Variants in NEK5 observed in about 807,000 individuals in gnomAD.
NEK5 encodes the protein serine/threonine-protein kinase Nek5.
In NEK5, 88 loss-of-function variants were observed where a neutral mutation model predicts 109.2. The ratio of observed to expected loss-of-function variants is 0.81; its 90% CI spans 0.68 to 0.96. The LOEUF (loss-of-function observed/expected upper bound fraction) is 0.96, where lower values mean the gene tolerates loss of function less well. Ranked by LOEUF, NEK5 falls within the 40% of genes least tolerant of loss-of-function variation. The pLI is 0.00. For missense variants in NEK5, 834 were observed against 920.7 expected (o/e 0.91, Z 1.22); for synonymous variants, 283 against 299.9 (o/e 0.94, Z 0.58).
At chr13:52,059,966 A>G (rs1023372606) in intron 22 of NEK5, among the ~76,000 whole-genome samples, 1 of 151,196 alleles carries the variant, frequency 6.6e-6, no homozygotes, top group Non-Finnish European at 1.5e-5. Flanking sequence ...ATAAAAAAAT[A>G]AAAAAATAAT....
intron 16 of NEK5, among the ~76,000 whole-genome samples, chr13:52,085,319 C>T (rs545203664): frequency 1.3e-5 from 2 of 152,286 alleles, no homozygotes; most frequent in South Asian, 2.1e-4. Context: ...TGAAACTGTG[C>T]GTCTATTACA....
At chr13:52,108,254 A>G (rs1252153997) in intron 8 of NEK5, 64 bp downstream of exon 8, 9 of 887,174 alleles carry the variant, frequency 1.0e-5, no homozygotes, top group Non-Finnish European at 1.3e-5. Context: ...AGTTTCTGGA[A>G]TCTTCATTCA....
intron 20 of NEK5, among the ~76,000 whole-genome samples, chr13:52,071,164 G>A (rs1401401207): frequency 1.3e-5 from 2 of 152,154 alleles, no homozygotes; most frequent in African/African-American, 4.8e-5. Flanking sequence ...GTGCACCCTG[G>A]TGACAGCACT....
At chr13:52,052,591 T>C (rs1214548772) in intron 22 of NEK5, among the ~76,000 whole-genome samples, 2 of 152,186 alleles carry the variant, frequency 1.3e-5, no homozygotes, top group Non-Finnish European at 2.9e-5. Context: ...AGATCCTTGA[T>C]TTTGAAAGAT....
intron 22 of NEK5, among the ~76,000 whole-genome samples, chr13:52,058,553 T>C (rs970240489): frequency 2.0e-5 from 3 of 152,038 alleles, no homozygotes; most frequent in African/African-American, 7.2e-5. Context: ...CTTCAAACTA[T>C]ACTACAAGGC....
At chr13:52,118,532 T>C (rs1365401373) in intron 4 of NEK5, among the ~76,000 whole-genome samples, 2 of 152,202 alleles carry the variant, frequency 1.3e-5, no homozygotes, top group East Asian at 1.9e-4. Flanking sequence ...GTCTGACCAA[T>C]GCTCCTTCAT....
At chr13:52,084,458 A>G (rs1385297338) in intron 16 of NEK5, among the ~76,000 whole-genome samples, 1 of 152,024 alleles carries the variant, frequency 6.6e-6, no homozygotes, top group Non-Finnish European at 1.5e-5. Flanking sequence ...GGCTCAAGCG[A>G]TCCTTCTGCC....
intron 23 of NEK5, among the ~76,000 whole-genome samples, chr13:52,042,909 A>G (rs1354173782): frequency 1.3e-5 from 2 of 152,078 alleles, no homozygotes; most frequent in East Asian, 3.8e-4. Flanking sequence ...GAAAACCAAA[A>G]TGGTATGGTA....
intron 20 of NEK5, among the ~76,000 whole-genome samples, chr13:52,070,513 G>A (rs928340755): frequency 4.6e-5 from 7 of 152,134 alleles, no homozygotes; most frequent in East Asian, 1.9e-4. Context: ...TGAGTCTCAC[G>A]AGATAAGATG....
intron 8 of NEK5, among the ~76,000 whole-genome samples, chr13:52,106,179 C>CAA (rs5803596): frequency 8.3e-5 from 12 of 144,458 alleles, no homozygotes; most frequent in African/African-American, 2.9e-4. Flanking sequence ...GGGGATGTCT[C>CAA]AAAAAAAAAA....
chr13:52,051,062 CTTT>C (rs34408976), intron 22 of NEK5, among the ~76,000 whole-genome samples: 9 of 143,026 alleles, frequency 6.3e-5, no homozygotes, highest in Admixed American at 1.4e-4. Flanking sequence ...AAGGCAGGGG[CTTT>C]TTTTTTTTTT....
intron 22 of NEK5, among the ~76,000 whole-genome samples, chr13:52,055,998 C>T (rs1954551330): frequency 6.6e-6 from 1 of 152,026 alleles, no homozygotes; most frequent in Non-Finnish European, 1.5e-5. Context: ...AAGACACAGA[C>T]TGGCAAATTG....
intron 13 of NEK5, 114 bp from the exon 14 acceptor site, chr13:52,089,427 GT>G (rs1955229360): frequency 3.1e-6 from 2 of 639,772 alleles, no homozygotes; most frequent in Non-Finnish European, 5.5e-6. Context: ...GTGGCTTGAA[GT>G]TCCAAGTTCA....
At chr13:52,111,210 A>G (rs983432018) in intron 5 of NEK5, among the ~76,000 whole-genome samples, 2 of 152,208 alleles carry the variant, frequency 1.3e-5, no homozygotes, top group African/African-American at 2.4e-5. Context: ...AAACTATTCT[A>G]AAATTTCACT....
intron 3 of NEK5, among the ~76,000 whole-genome samples, chr13:52,121,581 C>T (rs370711559): frequency 5.9e-5 from 9 of 152,126 alleles, no homozygotes; most frequent in East Asian, 3.8e-4. Context: ...TAATAATGCA[C>T]GCTTGTTTTA....
chr13:52,107,904 C>T (rs1016867456), intron 8 of NEK5, among the ~76,000 whole-genome samples: 9 of 152,082 alleles, frequency 5.9e-5, no homozygotes, highest in Admixed American at 3.9e-4. Flanking sequence ...ACTGAGGCTC[C>T]AGAAGAAAGT....
chr13:52,066,155 A>G (rs1309758876), intron 20 of NEK5, among the ~76,000 whole-genome samples: 1 of 152,180 alleles, frequency 6.6e-6, no homozygotes, highest in Admixed American at 6.5e-5. Context: ...GCTTTTTTCA[A>G]TCAGCTACAG....
At chr13:52,038,237 ACT>A (rs2140874359) in intron 23 of NEK5, among the ~76,000 whole-genome samples, 1 of 149,462 alleles carries the variant, frequency 6.7e-6, no homozygotes, top group East Asian at 2.1e-4. Flanking sequence ...CAGGAGAATC[ACT>A]TGAATGCAGG....
At chr13:52,093,416 C>A (rs896085400) in intron 12 of NEK5, among the ~76,000 whole-genome samples, 181 bp from the exon 13 acceptor site, 6 of 151,788 alleles carry the variant, frequency 4.0e-5, no homozygotes, top group Admixed American at 2.0e-4. Flanking sequence ...AAAAATTATC[C>A]AGGCATGGTG....
Sources: allele counts gnomAD v4.1 joint callset (sites outside exome capture counted in the v4.1 genomes callset), GRCh38; gene constraint gnomAD v4.1.1; transcripts MANE v1.5; gene names NCBI Gene and HGNC (gene_info 2026-07-23, HGNC 2026-07-21).